SLCO3A1: variants seen among roughly 807,000 people sequenced by gnomAD.
SLCO3A1 encodes the protein solute carrier organic anion transporter family member 3A1.
A neutral mutation model predicts 63.1 loss-of-function variants in SLCO3A1; 27 were observed. That is an observed-to-expected ratio of 0.43 (90% CI 0.32 to 0.59). The LOEUF (loss-of-function observed/expected upper bound fraction) is 0.59, where lower values mean the gene tolerates loss of function less well. SLCO3A1 is among the 20% of genes least tolerant of loss of function. SLCO3A1 has a pLI of 0.09. For synonymous variants in SLCO3A1, 473 were observed against 409.9 expected, an observed-to-expected ratio of 1.15 and a Z score of -1.86; for missense variants, 773 against 945.8, an observed-to-expected ratio of 0.82 and a Z score of 2.40.
chr15:91,977,693 C>G (rs1473291864), intron 2 of SLCO3A1, among the ~76,000 whole-genome samples: 1 of 152,088 alleles, frequency 6.6e-6, no homozygotes, highest in Non-Finnish European at 1.5e-5. Context: ...GCACTAAAAT[C>G]TCAGACACCA....
chr15:91,914,375 C>A (rs1898581902), intron 1 of SLCO3A1, among the ~76,000 whole-genome samples: 1 of 152,126 alleles, frequency 6.6e-6, no homozygotes, highest in African/African-American at 2.4e-5. Flanking sequence ...AGAATCCAGG[C>A]TGGGAGAGTT....
intron 2 of SLCO3A1, among the ~76,000 whole-genome samples, chr15:91,991,233 G>T (rs1722359004): frequency 6.6e-6 from 1 of 152,072 alleles, no homozygotes; most frequent in Non-Finnish European, 1.5e-5. Flanking sequence ...TAGGCAGGGT[G>T]GTGTGCACCT....
chr15:91,889,881 T>G (rs1397369314), intron 1 of SLCO3A1, among the ~76,000 whole-genome samples: 7 of 150,982 alleles, frequency 4.6e-5, no homozygotes, highest in Non-Finnish European at 1.0e-4. Context: ...CTAACCTACT[T>G]TAAGGGAAAG....
At position 92,119,987 on chromosome 15, in the gene SLCO3A1, AT is replaced by A. The variant is rs1426319711; in HGVS notation, c.1010-474del. 2.0e-5 allele frequency among the ~76,000 whole-genome samples: 3 copies of A among 151,882 alleles called. No homozygotes were observed. In the East Asian group the frequency reaches 5.8e-4, roughly 29 times the overall value. ...TATCTTTCTTGAAACTGTTAAGTAT[AT>A]TTTCTTACACATATATATATATAGA... On this transcript the variant is annotated intron_variant, in intron 4 of 9. Coordinates refer to ENST00000318445, the MANE Select transcript of SLCO3A1 (RefSeq NM_013272.4).
chr15:91,866,978 G>A (rs938480860), intron 1 of SLCO3A1, among the ~76,000 whole-genome samples: 3 of 152,206 alleles, frequency 2.0e-5, no homozygotes, highest in South Asian at 2.1e-4. Flanking sequence ...AAGTGGAACC[G>A]TTGGTGAGAG....
chr15:92,082,147 C>G (rs1340304844), intron 2 of SLCO3A1, among the ~76,000 whole-genome samples: 1 of 152,210 alleles, frequency 6.6e-6, no homozygotes, highest in African/African-American at 2.4e-5. Context: ...TAAGCAAGGT[C>G]AGTTATGTAA....
intron 2 of SLCO3A1, among the ~76,000 whole-genome samples, chr15:92,016,204 T>TATAGATAGATAGATAGATAGATAGATAG (rs1039964856): frequency 1.0e-4 from 12 of 120,122 alleles, no homozygotes; most frequent in Non-Finnish European, 1.5e-4. Context: ...TATATATTTA[T>TATAGATAGATAGATAGATAGATAGATAG]ATAGATAGAT....
intron 1 of SLCO3A1, among the ~76,000 whole-genome samples, chr15:91,855,299 G>A (rs1396448226): frequency 6.6e-6 from 1 of 152,154 alleles, no homozygotes; most frequent in Non-Finnish European, 1.5e-5. Context: ...AAGGCTCAGG[G>A]CTCACTGTTA....
chr15:91,863,401 C>T lies in SLCO3A1; in HGVS notation c.180+9313C>T, dbSNP rs570609111. ...CTTAAGGTTGGCTTTCGAGGTTGCT[C>T]GTGCAGTGTAGTGGGATGGCCGTGA... On this transcript the variant is annotated intron_variant, in intron 1 of 9. Coordinates refer to ENST00000318445, the MANE Select transcript of SLCO3A1 (RefSeq NM_013272.4). This position sits in a 1 kb window ranked among gnomAD's most constrained non-coding sequence, Gnocchi z 4.3. Among the ~76,000 whole-genome samples the T allele has an allele frequency of 3.3e-5, 5 of 152,302 alleles. No individual in the cohort carries two copies. In the East Asian group the frequency reaches 5.8e-4, roughly 18 times the overall value.
chr15:92,118,015 A>G (rs1003597875), intron 4 of SLCO3A1, among the ~76,000 whole-genome samples: 6 of 152,230 alleles, frequency 3.9e-5, no homozygotes, highest in African/African-American at 1.2e-4. Flanking sequence ...TTTATTTGAA[A>G]TGATATTTCT....
At chr15:92,150,439 T>C (rs1307746745) in intron 8 of SLCO3A1, among the ~76,000 whole-genome samples, 1 of 152,182 alleles carries the variant, frequency 6.6e-6, no homozygotes, top group Non-Finnish European at 1.5e-5. Context: ...TGGAACATGC[T>C]AAGTGGATTA....
intron 2 of SLCO3A1, among the ~76,000 whole-genome samples, chr15:91,928,885 A>G (rs1249136202): frequency 6.6e-6 from 1 of 152,238 alleles, no homozygotes; most frequent in Non-Finnish European, 1.5e-5. Context: ...TAATTGGTAT[A>G]CATTCACTGC....
In SLCO3A1 at chr15:91,872,349, G is replaced by A. The variant is rs1272587276; in HGVS notation, c.180+18261G>A. ...AGTTCGAGACCAGCCTGGCCAACGT[G>A]GTGAAACCCCTTCTCTACTAAAAAT... is the stretch of plus-strand genomic sequence containing the variant. On this transcript the variant is annotated intron_variant, in intron 1 of 9. Coordinates refer to ENST00000318445, the MANE Select transcript of SLCO3A1 (RefSeq NM_013272.4). This position sits in a 1 kb window ranked among gnomAD's most constrained non-coding sequence, Gnocchi z 4.1. Among the ~76,000 whole-genome samples the A allele has an allele frequency of 6.6e-6, 1 of 152,086 alleles. No individual in the cohort carries two copies. The highest frequency in any genetic ancestry group is 2.4e-5 in the African/African-American group (1 of 41,414).
intron 1 of SLCO3A1, among the ~76,000 whole-genome samples, chr15:91,888,819 C>CA (rs999967837): frequency 4.6e-5 from 7 of 151,442 alleles, no homozygotes; most frequent in African/African-American, 9.7e-5. Flanking sequence ...CCCATCTCTA[C>CA]AAAAAAACAA....
intron 2 of SLCO3A1, among the ~76,000 whole-genome samples, chr15:92,042,387 T>C (rs2046810665): frequency 6.6e-6 from 1 of 152,186 alleles, no homozygotes; most frequent in African/African-American, 2.4e-5. Context: ...GACTGTTTTA[T>C]TATGCCGTCT....
At chr15:92,035,337 C>T (rs975827299) in intron 2 of SLCO3A1, among the ~76,000 whole-genome samples, 1 of 151,800 alleles carries the variant, frequency 6.6e-6, no homozygotes, top group African/African-American at 2.4e-5. Flanking sequence ...TTTGCTTTTT[C>T]CTTCGTCCAA....
intron 2 of SLCO3A1, among the ~76,000 whole-genome samples, chr15:91,966,981 G>A (rs1039305494): frequency 6.6e-6 from 1 of 151,872 alleles, no homozygotes; most frequent in Non-Finnish European, 1.5e-5. Context: ...GCGTGGTGCA[G>A]TTTTTTGGGG....
At chr15:92,075,822 T>C (rs1025130922) in intron 2 of SLCO3A1, among the ~76,000 whole-genome samples, 3 of 152,226 alleles carry the variant, frequency 2.0e-5, no homozygotes, top group African/African-American at 7.2e-5. Context: ...TTCCGCCAGT[T>C]CTGTGTCTCA....
At chr15:91,945,155 A>G (rs950279340) in intron 2 of SLCO3A1, among the ~76,000 whole-genome samples, 9 of 152,244 alleles carry the variant, frequency 5.9e-5, no homozygotes, top group African/African-American at 1.4e-4. Context: ...CACCCTGACC[A>G]ACATGGTGAA....
Sources: allele counts gnomAD v4.1 joint callset (sites outside exome capture counted in the v4.1 genomes callset), GRCh38; gene constraint gnomAD v4.1.1; non-coding constraint Gnocchi (gnomAD v3.1); transcripts MANE v1.5; gene names NCBI Gene and HGNC (gene_info 2026-07-23, HGNC 2026-07-21).